DNMT3A: variants seen among roughly 807,000 people sequenced by gnomAD.
DNMT3A encodes the protein DNA (cytosine-5)-methyltransferase 3A.
DNMT3A carries 267 observed loss-of-function variants against 117.6 expected under a neutral mutation model. The observed-to-expected ratio is 2.27, with a 90% CI of 2.05 to 2.51. The LOEUF (loss-of-function observed/expected upper bound fraction) is 2.51, where lower values mean the gene tolerates loss of function less well. DNMT3A is among the 30% of genes most tolerant of loss of function. DNMT3A has a pLI of 0.00. For synonymous variants in DNMT3A, 432 were observed against 474.8 expected (o/e 0.91, Z 1.17); for missense variants, 1,029 against 1,260.2 (o/e 0.82, Z 2.78).
intron 4 of DNMT3A, among the ~76,000 whole-genome samples, chr2:25,278,912 GA>G (rs1290396430): frequency 2.6e-5 from 4 of 152,318 alleles, no homozygotes; most frequent in African/African-American, 7.2e-5. Flanking sequence ...ATATACATGG[GA>G]AGCATGAGGC....
intron 6 of DNMT3A, among the ~76,000 whole-genome samples, chr2:25,274,478 A>G (rs1343880424): frequency 1.3e-5 from 2 of 152,138 alleles, no homozygotes; most frequent in Non-Finnish European, 2.9e-5. Flanking sequence ...ACCCTGGCAT[A>G]CAGTTTGCCA....
rs775537912 is a variant in DNMT3A, at chr2:25,240,366, C to T, written c.2258G>A (p.Trp753Ter). 6.2e-7 allele frequency: 1 copy of T among 1,614,144 alleles called. No individual in the cohort carries two copies. The highest frequency in any genetic ancestry group is 8.5e-7 in the Non-Finnish European group (1 of 1,179,998). The change falls in exon 19 of 23, where the codon TGG becomes TAG. Residue 753 changes from tryptophan to a stop codon, truncating the protein, a stop_gained. Transcript: ENST00000321117. LOFTEE classifies it high-confidence loss of function. ...CATGGCCACCACATTCTCAAAGAGC[C>T]AGAAGAAGGGGCGATCATCTCCCTC... ...PKEGDDRPFF[W>*]LFENVVAMGV...
At chr2:25,315,953 A>T (rs919165121) in intron 1 of DNMT3A, among the ~76,000 whole-genome samples, 1 of 152,236 alleles carries the variant, frequency 6.6e-6, no homozygotes, top group Non-Finnish European at 1.5e-5. Flanking sequence ...TTGAGCCCAA[A>T]GTCCGCAGGG....
chr2:25,300,753 ATATATATATAT>A (rs2033457209), intron 2 of DNMT3A, among the ~76,000 whole-genome samples: 1 of 62,374 alleles, frequency 1.6e-5, no homozygotes, highest in African/African-American at 7.2e-5. Context: ...ATATATATAT[ATATATATATAT>A]ATATAAATAA....
At chr2:25,314,625 C>T (rs1349822261) in intron 1 of DNMT3A, 3 of 985,246 alleles carry the variant, frequency 3.0e-6, no homozygotes, top group African/African-American at 3.5e-5. Flanking sequence ...AGTGCAGTCA[C>T]AGGATGTAGT....
Position 25,252,008 on chromosome 2 carries a change from A to G in DNMT3A, c.640-3756T>C. On this transcript the variant is annotated intron_variant, in intron 6 of 22. Transcript: ENST00000321117. The surrounding 1 kb of genome is among the most constrained non-coding windows in gnomAD (Gnocchi z 5.5). The stretch of plus-strand genomic sequence containing the variant: ...GAGTGGGGCCTTGGGGCTCGTGGGC[A>G]GGAAGGCGGCGGGCCAGCACTAAGT... The G allele has an allele frequency of 1.5e-6, 1 of 681,438 alleles. No homozygotes were observed. Among genetic ancestry groups the G allele is most frequent in the Non-Finnish European group, 2.3e-6 (1 of 437,658 alleles). 42.2% of individuals were successfully genotyped at this position (681,438 alleles called of 1,614,324 possible).
chr2:25,300,715 ATAT>A (rs2033423603), intron 2 of DNMT3A, among the ~76,000 whole-genome samples: 108 of 4,538 alleles, frequency 0.024, 8 homozygotes, highest in Non-Finnish European at 0.029. Flanking sequence ...ATAATATAAT[ATAT>A]ATATATATAT....
chr2:25,327,285 T>C lies in DNMT3A; in HGVS notation c.-177-13124A>G, dbSNP rs865856090. 6.6e-6 allele frequency among the ~76,000 whole-genome samples: 1 copy of C among 152,244 alleles called. No homozygotes were observed. Among genetic ancestry groups the C allele is most frequent in the Non-Finnish European group, 1.5e-5 (1 of 68,042 alleles). Reference sequence around the variant, plus strand: ...CACCATGTGGTTTCTGTCTTCTGAATGGACCCTGACTGATACAGTCACCCG... The same window carrying C: ...CACCATGTGGTTTCTGTCTTCTGAACGGACCCTGACTGATACAGTCACCCG... On this transcript the variant is annotated intron_variant, in intron 1 of 22. Coordinates refer to ENST00000321117, the MANE Select transcript of DNMT3A (RefSeq NM_022552.5). The surrounding 1 kb of genome is among the most constrained non-coding windows in gnomAD (Gnocchi z 4.1).
At chr2:25,315,607 G>A (rs2034343307) in intron 1 of DNMT3A, among the ~76,000 whole-genome samples, 1 of 152,242 alleles carries the variant, frequency 6.6e-6, no homozygotes, top group Non-Finnish European at 1.5e-5. Context: ...CTCGTGCTCT[G>A]CATCTGGGCA....
chr2:25,309,144 C>G (rs1288250366), intron 2 of DNMT3A, among the ~76,000 whole-genome samples: 1 of 152,232 alleles, frequency 6.6e-6, no homozygotes, highest in Non-Finnish European at 1.5e-5. Flanking sequence ...GCAGGCATGG[C>G]TTACCCACCT....
Position 25,289,014 on chromosome 2 carries a change from T to C in DNMT3A, c.178-6303A>G, listed in dbSNP as rs574869105. Reference sequence around the variant, plus strand: ...TGCCACGTTTGTTTACAAAGCCCTTTCTCACCCAATCTCCTTACAATTCAT... The same window carrying C: ...TGCCACGTTTGTTTACAAAGCCCTTCCTCACCCAATCTCCTTACAATTCAT... On this transcript the variant is annotated intron_variant, in intron 3 of 22. Coordinates refer to ENST00000321117, the MANE Select transcript of DNMT3A (RefSeq NM_022552.5). Among the ~76,000 whole-genome samples the C allele has an allele frequency of 2.0e-5, 3 of 152,278 alleles. No homozygotes were observed. In the East Asian group the frequency reaches 5.8e-4, roughly 29 times the overall value.
In DNMT3A at chr2:25,248,167, GCCT is replaced by G; in HGVS notation, c.722_724del (p.Glu241del). On this transcript the variant is annotated inframe_deletion, in exon 7 of 23. Coordinates refer to ENST00000321117, the MANE Select transcript of DNMT3A (RefSeq NM_022552.5). ...GGGCTGCTGCACAGCAGGAGGGCTGGCCTCCTCCACCTTCTGAGACTCCCCGGG... is the reference window on the plus strand; with the variant it reads ...GGGCTGCTGCACAGCAGGAGGGCTGGCCTCCACCTTCTGAGACTCCCCGGG... 6.2e-7 allele frequency: 1 copy of G among 1,613,878 alleles called. No individual in the cohort carries two copies. The highest frequency in any genetic ancestry group is 1.1e-5 in the South Asian group (1 of 91,050).
In DNMT3A at chr2:25,312,739, CT is replaced by C. The variant is rs1558734181; in HGVS notation, c.72+1173del. Among the ~76,000 whole-genome samples, 3 of 152,216 alleles carry C rather than the reference CT, an allele frequency of 2.0e-5. No homozygotes were observed. In the South Asian group the frequency reaches 6.2e-4, roughly 32 times the overall value. On this transcript the variant is annotated intron_variant, in intron 2 of 22. Coordinates refer to ENST00000321117, the MANE Select transcript of DNMT3A (RefSeq NM_022552.5). ...GAAAACTAGGAAACAGAAACACACT[CT>C]GAAGAATGGTAAACCCAGGAAGGAG...
chr2:25,280,506 C>T (rs2031811587), intron 4 of DNMT3A, among the ~76,000 whole-genome samples: 1 of 152,214 alleles, frequency 6.6e-6, no homozygotes, highest in Admixed American at 6.5e-5. Context: ...CTACCCCTCA[C>T]CCAGTGGACT....
At chr2:25,261,428 G>GTCTC (rs1676593622) in intron 6 of DNMT3A, among the ~76,000 whole-genome samples, 1 of 120,538 alleles carries the variant, frequency 8.3e-6, no homozygotes, top group Non-Finnish European at 1.7e-5. Context: ...GACAGAGTGA[G>GTCTC]ACTCTGTCTC....
chr2:25,336,825 G>A (rs2035234639), intron 1 of DNMT3A, among the ~76,000 whole-genome samples: 2 of 152,078 alleles, frequency 1.3e-5, no homozygotes, highest in Non-Finnish European at 2.9e-5. Context: ...ATGATGTCCT[G>A]CCCCTGAAGC....
intron 1 of DNMT3A, among the ~76,000 whole-genome samples, chr2:25,331,932 C>T (rs979276563): frequency 2.0e-5 from 3 of 151,266 alleles, no homozygotes; most frequent in African/African-American, 4.9e-5. Context: ...TGAAGGGCAT[C>T]CCCACCCACA....
chr2:25,331,442 T>C (rs1240103558), intron 1 of DNMT3A, among the ~76,000 whole-genome samples: 2 of 152,172 alleles, frequency 1.3e-5, no homozygotes, highest in Non-Finnish European at 2.9e-5. Context: ...GTCCCTCCTA[T>C]CTCTCTCCGC....
At chr2:25,301,753 G>A (rs558986425) in intron 2 of DNMT3A, among the ~76,000 whole-genome samples, 2 of 152,264 alleles carry the variant, frequency 1.3e-5, no homozygotes, top group South Asian at 4.1e-4. Flanking sequence ...TTCATACCCT[G>A]CACGATGTCA....
Sources: gnomAD v4.1 joint callset for allele counts (sites outside exome capture counted in the v4.1 genomes callset) on GRCh38, gnomAD v4.1.1 for gene constraint, Gnocchi (gnomAD v3.1) non-coding constraint, MANE v1.5 for transcripts, NCBI Gene and HGNC (gene_info 2026-07-23, HGNC 2026-07-21) for gene names.